Variants in CALB1 observed in about 807,000 individuals in gnomAD.
CALB1 encodes the protein calbindin.
Under a neutral mutation model 46.7 loss-of-function variants are expected in CALB1, and 16 were observed. The ratio of observed to expected loss-of-function variants is 0.34; its 90% CI spans 0.23 to 0.52. CALB1 has a LOEUF of 0.52. Among genes scored for constraint, CALB1 ranks in the 20% least tolerant of loss-of-function variants. The pLI is 0.95. For synonymous variants in CALB1, 90 were observed against 112.8 expected (o/e 0.80, Z 1.28); for missense variants, 224 against 300.3 (o/e 0.75, Z 1.88).
chr8:90,080,405 A>G (rs1814707915), intron 2 of CALB1, among the ~76,000 whole-genome samples: 1 of 151,992 alleles, frequency 6.6e-6, no homozygotes, highest in South Asian at 2.1e-4. Context: ...ATAAAATATA[A>G]TCATTACCTG....
intron 3 of CALB1, 32 bp from the exon 4 acceptor site, chr8:90,069,269 T>C (rs534576804): frequency 1.9e-6 from 3 of 1,550,906 alleles, no homozygotes; most frequent in South Asian, 2.2e-5. Flanking sequence ...AGAAACGTGT[T>C]GTAAGTTGCT....
intron 5 of CALB1, 65 bp downstream of exon 5, chr8:90,068,933 A>G (rs1021525021): frequency 2.5e-6 from 3 of 1,186,818 alleles, no homozygotes; most frequent in African/African-American, 1.5e-5. Flanking sequence ...TTAAAAAGCT[A>G]GGAAACTCTT....
chr8:90,073,976 G>A (rs1289817773), intron 3 of CALB1, among the ~76,000 whole-genome samples: 1 of 151,996 alleles, frequency 6.6e-6, no homozygotes. Flanking sequence ...AGACAATCAT[G>A]GTATGTTAAC....
chr8:90,075,991 G>A (rs938339461), intron 3 of CALB1, among the ~76,000 whole-genome samples: 1 of 152,072 alleles, frequency 6.6e-6, no homozygotes, highest in African/African-American at 2.4e-5. Context: ...TCGGGCTTCA[G>A]TTTCTTCATC....
rs888572268 is a variant in CALB1, at chr8:90,059,632, A to G, written c.*541T>C. On this transcript the variant is annotated 3_prime_UTR_variant, in exon 11 of 11. Transcript: ENST00000265431. ...CAGTAGACATGCTGTTGATTGGTAA[A>G]CTAAATCTGTAATGAGACTGTTAAC... The G allele has an allele frequency of 6.5e-6, 1 of 152,674 alleles. No homozygotes were observed. Among genetic ancestry groups the G allele is most frequent in the Non-Finnish European group, 1.5e-5 (1 of 68,424 alleles). The allele number at this position is 152,674 out of a possible 1,614,324, so 9.5% of individuals were successfully genotyped here.
At chr8:90,063,016 T>C (rs983090139) in intron 9 of CALB1, 84 bp downstream of exon 9, 1 of 940,820 alleles carries the variant, frequency 1.1e-6, no homozygotes, top group African/African-American at 1.7e-5. Flanking sequence ...CAGTACTGTA[T>C]TTTATACTTA....
intron 9 of CALB1, chr8:90,061,360 G>A (rs1489790482): frequency 3.9e-5 from 6 of 151,980 alleles, no homozygotes; most frequent in African/African-American, 1.2e-4. Flanking sequence ...TTTCATAATC[G>A]TTTTTTCCAA....
Position 90,078,459 on chromosome 8 carries a change from T to C in CALB1, c.157-12A>G. 3 of 1,433,514 alleles carry C rather than the reference T, an allele frequency of 2.1e-6. No individual in the cohort carries two copies. The highest frequency in any genetic ancestry group is 2.9e-6 in the Non-Finnish European group (3 of 1,030,836). 88.8% of individuals were successfully genotyped at this position (1,433,514 alleles called of 1,614,324 possible). ...TCAGGTGATAACTCCTAAAATTATA[T>C]AAAAGCAGGTAGGAGGTTTGTTAAA... On this transcript the variant is annotated splice_polypyrimidine_tract_variant and intron_variant, in intron 2 of 10. Coordinates refer to ENST00000265431, the MANE Select transcript of CALB1 (RefSeq NM_004929.4).
At chr8:90,065,589 A>G (rs949680081) in intron 6 of CALB1, among the ~76,000 whole-genome samples, 1 of 151,870 alleles carries the variant, frequency 6.6e-6, no homozygotes, top group Non-Finnish European at 1.5e-5. Flanking sequence ...TGTAAGTTAT[A>G]TAATTTAGTG....
chr8:90,074,883 T>C (rs942467271), intron 3 of CALB1, among the ~76,000 whole-genome samples: 23 of 152,348 alleles, frequency 1.5e-4, no homozygotes, highest in African/African-American at 5.5e-4. Flanking sequence ...AATACCTATA[T>C]TTCATGTGAA....
chr8:90,073,874 A>G (rs1402032102), intron 3 of CALB1, among the ~76,000 whole-genome samples: 2 of 152,204 alleles, frequency 1.3e-5, no homozygotes, highest in Non-Finnish European at 2.9e-5. Context: ...AAAGCTAAGT[A>G]CTAGTTGTGA....
At chr8:90,065,863 G>A (rs1024986485) in intron 6 of CALB1, 35 bp downstream of exon 6, 1 of 1,356,352 alleles carries the variant, frequency 7.4e-7, no homozygotes, top group South Asian at 1.2e-5. Flanking sequence ...TACTTCATGA[G>A]CTCTTGGGTA....
At chr8:90,082,398 C>T (rs1031623238) in intron 1 of CALB1, 1 of 608,998 alleles carries the variant, frequency 1.6e-6, no homozygotes, top group Admixed American at 2.9e-5. Context: ...CCTGGAAAGA[C>T]AAAAGTTTAA....
intron 3 of CALB1, among the ~76,000 whole-genome samples, chr8:90,070,317 C>G (rs1328275320): frequency 6.6e-6 from 1 of 152,152 alleles, no homozygotes; most frequent in African/African-American, 2.4e-5. Context: ...CCCTAGATCA[C>G]GGGCATGGAC....
intron 3 of CALB1, among the ~76,000 whole-genome samples, chr8:90,075,813 C>T (rs1814614094): frequency 6.6e-6 from 1 of 151,996 alleles, no homozygotes; most frequent in African/African-American, 2.4e-5. Context: ...TCCTATTCTC[C>T]ATTTCTCTTC....
intron 3 of CALB1, among the ~76,000 whole-genome samples, chr8:90,070,837 AGTGTGTGTGT>A (rs35368479): frequency 0.046 from 5,577 of 121,678 alleles, 191 homozygotes; most frequent in East Asian, 0.18. Flanking sequence ...GCATCATTGC[AGTGTGTGTGT>A]GTGTGTGTGT....
chr8:90,063,392 G>C lies in CALB1; in HGVS notation c.506+14C>G, dbSNP rs753392446. On this transcript the variant is annotated intron_variant, in intron 7 of 10. Coordinates refer to ENST00000265431, the MANE Select transcript of CALB1 (RefSeq NM_004929.4). ...GGATCCACTTACAATATTTTTCATG[G>C]TTCCTAAACTCACCTGGCCATCTCA... 1 of 1,605,432 alleles carries C rather than the reference G, an allele frequency of 6.2e-7. No homozygotes were observed. The highest frequency in any genetic ancestry group is 1.1e-5 in the South Asian group (1 of 90,384).
Position 90,065,994 on chromosome 8 carries a change from C to G in CALB1, c.373-19G>C. On this transcript the variant is annotated intron_variant, in intron 5 of 10. Coordinates refer to ENST00000265431, the MANE Select transcript of CALB1 (RefSeq NM_004929.4). Reference sequence around the variant, plus strand: ...GAAAGTTCTGTTAAAACAAAGAACACTTAGATTAATTTCATTAATAATATA... The same window carrying G: ...GAAAGTTCTGTTAAAACAAAGAACAGTTAGATTAATTTCATTAATAATATA... The G allele has an allele frequency of 6.7e-7, 1 of 1,494,926 alleles. No individual in the cohort carries two copies. The highest frequency in any genetic ancestry group is 9.3e-7 in the Non-Finnish European group (1 of 1,073,120). The allele number at this position is 1,494,926 out of a possible 1,614,324, so 92.6% of individuals were successfully genotyped here. A position where few individuals can be genotyped will look rare whatever the true frequency, so the allele number is the denominator to read the frequency against.
intron 2 of CALB1, among the ~76,000 whole-genome samples, chr8:90,081,709 C>T (rs1814734724): frequency 6.6e-6 from 1 of 151,964 alleles, no homozygotes; most frequent in South Asian, 2.1e-4. Flanking sequence ...ATTTAAAGCT[C>T]CAGTTTCAGA....
Sources: gnomAD v4.1 joint callset for allele counts (sites outside exome capture counted in the v4.1 genomes callset) on GRCh38, gnomAD v4.1.1 for gene constraint, MANE v1.5 for transcripts, NCBI Gene and HGNC (gene_info 2026-07-23, HGNC 2026-07-21) for gene names.